Variants in GJB6 observed in about 807,000 individuals in gnomAD.
The protein encoded by GJB6 is gap junction beta-6 protein.
In GJB6, 5 loss-of-function variants were observed where a neutral mutation model predicts 5.4. The ratio of observed to expected loss-of-function variants is 0.92; its 90% confidence interval spans 0.48 to 1.93. The LOEUF (loss-of-function observed/expected upper bound fraction) is 1.93, where lower values mean the gene tolerates loss of function less well. Ranked by LOEUF, GJB6 falls within the 30% of genes most tolerant of loss-of-function variation. The probability of loss-of-function intolerance (pLI) is 0.01; values close to 1 mark genes in which losing one functional copy is unlikely to be tolerated. For synonymous variants in GJB6, 136 were observed against 129.6 expected (o/e 1.05, Z -0.34); for missense variants, 298 against 326.9 (o/e 0.91, Z 0.68).
chr13:20,229,051 C>A (rs1471224477), intron 4 of GJB6, among the ~76,000 whole-genome samples: 4 of 143,918 alleles, frequency 2.8e-5, no homozygotes, highest in Non-Finnish European at 6.0e-5. Flanking sequence ...AAAACTAAAG[C>A]CCCCAAAGTT....
Position 20,222,631 on chromosome 13 carries a change from G to A in GJB6, c.*64C>T. ...AGGCTACAGAAGGAACTTTCAGGTTGGTATTGCCTTCTGGAGAAGACAGAA... is the reference window on the plus strand; with the variant it reads ...AGGCTACAGAAGGAACTTTCAGGTTAGTATTGCCTTCTGGAGAAGACAGAA... On this transcript the variant is annotated 3_prime_UTR_variant, in exon 5 of 5. Coordinates refer to ENST00000647029, the MANE Select transcript of GJB6 (RefSeq NM_001110219.3). The A allele has an allele frequency of 7.4e-7, 1 of 1,349,674 alleles. No homozygotes were observed. Among genetic ancestry groups the A allele is most frequent in the East Asian group, 2.3e-5 (1 of 43,590 alleles). The allele number at this position is 1,349,674 out of a possible 1,614,324, so 83.6% of individuals were successfully genotyped here.
intron 4 of GJB6, among the ~76,000 whole-genome samples, chr13:20,228,008 C>T (rs1035515711): frequency 9.2e-6 from 1 of 109,210 alleles, no homozygotes; most frequent in Admixed American, 1.1e-4. Context: ...GCAAAGAAAG[C>T]GCCCAGCCCC....
At chr13:20,224,684 T>C (rs1445314251) in intron 4 of GJB6, among the ~76,000 whole-genome samples, 3 of 152,212 alleles carry the variant, frequency 2.0e-5, no homozygotes, top group Non-Finnish European at 4.4e-5. Context: ...CAGAAGACTA[T>C]AGAATTGGTC....
Position 20,223,327 on chromosome 13 carries a change from C to A in GJB6, c.154G>T (p.Val52Phe), listed in dbSNP as rs143410202. The A allele has an allele frequency of 2.5e-6, 4 of 1,614,010 alleles. No homozygotes were observed. The highest frequency in any genetic ancestry group is 3.4e-6 in the Non-Finnish European group (4 of 1,180,040). ...EVWGDEQEDF[V>F]CNTLQPGCKN... ...CATCCCGGTTGCAGTGTGTTGCAGA[C>A]GAAGTCCTCTTGCTCGTCACCCCAC... is the stretch of plus-strand genomic sequence containing the variant. Residue 52 changes from valine to phenylalanine, a missense_variant, in exon 5 of 5, where the codon GTC becomes TTC. Physicochemically the swap from Val to Phe is conservative, Grantham distance 50 (BLOSUM62 -1). Transcript: ENST00000647029.
chr13:20,224,028 A>G (rs577346373), intron 4 of GJB6, among the ~76,000 whole-genome samples: 3 of 152,136 alleles, frequency 2.0e-5, no homozygotes, highest in Non-Finnish European at 4.4e-5. Context: ...AGGGGTTAGG[A>G]TCATCTTGAT....
Position 20,222,637 on chromosome 13 carries a change from G to T in GJB6, c.*58C>A. On this transcript the variant is annotated 3_prime_UTR_variant, in exon 5 of 5. Coordinates refer to ENST00000647029, the MANE Select transcript of GJB6 (RefSeq NM_001110219.3). ...CAGAAGGAACTTTCAGGTTGGTATT[G>T]CCTTCTGGAGAAGACAGAAGTCTCC... is the stretch of plus-strand genomic sequence containing the variant. 1 of 1,452,158 alleles carries T rather than the reference G, an allele frequency of 6.9e-7. No individual in the cohort carries two copies. The highest frequency in any genetic ancestry group is 9.7e-7 in the Non-Finnish European group (1 of 1,032,340). 90.0% of individuals were successfully genotyped at this position (1,452,158 alleles called of 1,614,324 possible). A position where few individuals can be genotyped will look rare whatever the true frequency, so the allele number is the denominator to read the frequency against.
In GJB6 at chr13:20,223,038, G is replaced by C; in HGVS notation, c.443C>G (p.Ala148Gly). ...SSIFFRIIFE[A>G]AFMYVFYFLY... is the part of the protein sequence containing the mutation. Reference sequence around the variant, plus strand: ...GAAGTAAAACACATACATAAAGGCTGCTTCAAAGATGATTCGGAAAAAGAT... The same window carrying C: ...GAAGTAAAACACATACATAAAGGCTCCTTCAAAGATGATTCGGAAAAAGAT... The change falls in exon 5 of 5, where the codon GCA (alanine) becomes GGA (glycine). Residue 148 changes from alanine (A) to glycine (G), a missense_variant. Physicochemically the swap from Ala to Gly is moderately conservative, Grantham distance 60. Transcript: ENST00000647029. The C allele has an allele frequency of 6.2e-7, 1 of 1,613,258 alleles. No individual in the cohort carries two copies. Among genetic ancestry groups the C allele is most frequent in the Non-Finnish European group, 8.5e-7 (1 of 1,179,140 alleles).
At position 20,223,203 on chromosome 13, in the gene GJB6, A is replaced by G. The variant is rs1343352270; in HGVS notation, c.278T>C (p.Met93Thr). 5 of 1,611,070 alleles carry G rather than the reference A, an allele frequency of 3.1e-6. No individual in the cohort carries two copies. Among genetic ancestry groups the G allele is most frequent in the African/African-American group, 1.3e-5 (1 of 74,816 alleles). ...FVSTPALLVA[M>T]HVAYYRHETT... Reference sequence around the variant, plus strand: ...TTCGTGCCTGTAGTAGGCCACATGCATGGCCACCAGCAGCGCTGGGGTGGA... The same window carrying G: ...TTCGTGCCTGTAGTAGGCCACATGCGTGGCCACCAGCAGCGCTGGGGTGGA... The change falls in exon 5 of 5, where the codon ATG becomes ACG. Residue 93 changes from methionine (M) to threonine (T), a missense_variant. Met to Thr is a moderately conservative substitution (Grantham distance 81, BLOSUM62 -1). Coordinates refer to ENST00000647029, the MANE Select transcript of GJB6 (RefSeq NM_001110219.3).
chr13:20,223,134 T>C lies in GJB6; in HGVS notation c.347A>G (p.Lys116Arg). 1 of 1,614,080 alleles carries C rather than the reference T, an allele frequency of 6.2e-7. No individual in the cohort carries two copies. Among genetic ancestry groups the C allele is most frequent in the Non-Finnish European group, 8.5e-7 (1 of 1,179,920 alleles). Residue 116 changes from lysine to arginine, a missense_variant, in exon 5 of 5, where the codon AAA becomes AGA. Physicochemically the swap from Lys to Arg is conservative, Grantham distance 26. Coordinates refer to ENST00000647029, the MANE Select transcript of GJB6 (RefSeq NM_001110219.3). ...CTGCTTTTTAATGTCCTCTATGTCT[T>C]TGAAATCATTCCTCTTCTCTCCTCG... Reference protein sequence around the residue: ...FRRGEKRNDFKDIEDIKKQKV... With the variant: ...FRRGEKRNDFRDIEDIKKQKV...
chr13:20,228,674 C>CG (rs1353122879), intron 4 of GJB6, among the ~76,000 whole-genome samples: 1 of 111,660 alleles, frequency 9.0e-6, no homozygotes, highest in East Asian at 5.1e-4. Flanking sequence ...TTAGTAGAGA[C>CG]GGGGTTTCAC....
In GJB6 at chr13:20,223,181, G is replaced by T; in HGVS notation, c.300C>A (p.His100Gln). 6.2e-7 allele frequency: 1 copy of T among 1,613,042 alleles called. No individual in the cohort carries two copies. The highest frequency in any genetic ancestry group is 8.5e-7 in the Non-Finnish European group (1 of 1,179,240). The change falls in exon 5 of 5, where the codon CAC becomes CAA. Residue 100 changes from histidine to glutamine, a missense_variant. Coordinates refer to ENST00000647029, the MANE Select transcript of GJB6 (RefSeq NM_001110219.3). ...CTCGCCTGAACTTGCGAGTGGTTTCGTGCCTGTAGTAGGCCACATGCATGG... is the reference window on the plus strand; with the variant it reads ...CTCGCCTGAACTTGCGAGTGGTTTCTTGCCTGTAGTAGGCCACATGCATGG... ...LVAMHVAYYR[H>Q]ETTRKFRRGE...
At chr13:20,228,485 TG>T (rs1555344021) in intron 4 of GJB6, among the ~76,000 whole-genome samples, 9,580 of 101,874 alleles carry the variant, frequency 0.094, 332 homozygotes, top group African/African-American at 0.17. Flanking sequence ...TTTTTGTTTT[TG>T]TTTTTTGTTT....
chr13:20,225,009 C>T (rs1472994754), intron 4 of GJB6, among the ~76,000 whole-genome samples: 1 of 152,220 alleles, frequency 6.6e-6, no homozygotes, highest in African/African-American at 2.4e-5. Context: ...TCTCCCCACC[C>T]AGGAGTGCCT....
chr13:20,227,667 C>T (rs867787584), intron 4 of GJB6, among the ~76,000 whole-genome samples: 4 of 152,130 alleles, frequency 2.6e-5, no homozygotes, highest in Non-Finnish European at 5.9e-5. Context: ...GGGGATCTGC[C>T]GTGCGTATCA....
rs760594015 is a variant in GJB6 at position 20,222,708 on chromosome 13, C to G, written c.773G>C (p.Gly258Ala). The change falls in exon 5 of 5, where the codon GGT becomes GCT. Residue 258 changes from glycine (G) to alanine (A), a missense_variant. Transcript: ENST00000647029. ...ISDSGQNAIT[G>A]FPS ...ACCTTGAAATGTTTAGCTTGGGAAA[C>G]CTGTGATTGCATTTTGACCACTATC... The G allele has an allele frequency of 6.2e-6, 10 of 1,613,904 alleles. No homozygotes were observed. The highest frequency in any genetic ancestry group is 8.5e-6 in the Non-Finnish European group (10 of 1,179,900).
Position 20,223,471 on chromosome 13 carries a change from C to T in GJB6, c.10G>A (p.Gly4Arg). The T allele has an allele frequency of 6.2e-7, 1 of 1,613,974 alleles. No homozygotes were observed. Among genetic ancestry groups the T allele is most frequent in the Non-Finnish European group, 8.5e-7 (1 of 1,179,888 alleles). Residue 4 changes from glycine (G) to arginine (R), a missense_variant, in exon 5 of 5, where the codon GGG becomes AGG. Transcript: ENST00000647029. MDW[G>R]TLHTFIGGVN... ...CCCCCGATGAAAGTGTGCAGCGTCC[C>T]CCAATCCATTGCGCTGGTTTATCCC...
At position 20,222,537 on chromosome 13, in the gene GJB6, T is replaced by C. The variant is rs1286973603; in HGVS notation, c.*158A>G. 1 of 652,022 alleles carries C rather than the reference T, an allele frequency of 1.5e-6. No individual in the cohort carries two copies. The highest frequency in any genetic ancestry group is 2.7e-6 in the Non-Finnish European group (1 of 365,538). The allele number at this position is 652,022 out of a possible 1,614,324, so 40.4% of individuals were successfully genotyped here. A position where few individuals can be genotyped will look rare whatever the true frequency, so the allele number is the denominator to read the frequency against. The stretch of plus-strand genomic sequence containing the variant: ...CATATTTGATTACGTTGTGTATGAA[T>C]GGAGCAAGTATCCTACAAAAAGTTA... On this transcript the variant is annotated 3_prime_UTR_variant, in exon 5 of 5. Transcript: ENST00000647029.
At chr13:20,228,593 C>T (rs1197800385) in intron 4 of GJB6, among the ~76,000 whole-genome samples, 7 of 148,870 alleles carry the variant, frequency 4.7e-5, no homozygotes, top group African/African-American at 1.7e-4. Flanking sequence ...ACGCCGTTCT[C>T]CCGCCTCAGC....
At position 20,223,509 on chromosome 13, in the gene GJB6, A is replaced by G. The variant is rs755610118; in HGVS notation, c.-15-14T>C. ...GCTGGTTTATCCCTAAACAGACAAA[A>G]GTGGGCAAAGGTTTATTAGTGGAAG... On this transcript the variant is annotated splice_polypyrimidine_tract_variant and intron_variant, in intron 4 of 4. Transcript: ENST00000647029. 9 of 1,606,630 alleles carry G rather than the reference A, an allele frequency of 5.6e-6. No individual in the cohort carries two copies. The East Asian group carries it at 1.8e-4, about 32-fold the overall frequency.
Sources: allele counts gnomAD v4.1 joint callset (sites outside exome capture counted in the v4.1 genomes callset), GRCh38; gene constraint gnomAD v4.1.1; transcripts MANE v1.5; gene names NCBI Gene and HGNC (gene_info 2026-07-23, HGNC 2026-07-21).